CPXM2: variants seen among roughly 807,000 people sequenced by gnomAD.
CPXM2 encodes the protein inactive carboxypeptidase-like protein X2.
A neutral mutation model predicts 86.1 loss-of-function variants in CPXM2; 66 were observed. That is an observed-to-expected ratio of 0.77 (90% CI 0.63 to 0.94). The LOEUF (loss-of-function observed/expected upper bound fraction) is 0.94, where lower values mean the gene tolerates loss of function less well. Among genes scored for constraint, CPXM2 ranks in the 40% least tolerant of loss-of-function variants. CPXM2 has a pLI of 0.00. For missense variants in CPXM2, 948 were observed against 1,026.3 expected (o/e 0.92, Z 1.04); for synonymous variants, 388 against 400.2 (o/e 0.97, Z 0.36).
intron 6 of CPXM2, among the ~76,000 whole-genome samples, chr10:123,791,023 C>T (rs1212881136): frequency 2.6e-5 from 4 of 152,162 alleles, no homozygotes; most frequent in African/African-American, 9.7e-5. Context: ...AAAGCCACAT[C>T]ATCAGGGGTG....
rs762529185 is a variant in CPXM2 at position 123,891,484 on chromosome 10, G to A, written c.176C>T (p.Pro59Leu). The change falls in exon 1 of 14, where the codon CCG (proline) becomes CTG (leucine). Residue 59 changes from proline to leucine, a missense_variant. Pro to Leu is a moderately conservative substitution (Grantham distance 98). Transcript: ENST00000241305. This position sits in a 1 kb window ranked among gnomAD's most constrained non-coding sequence, Gnocchi z 5.6. ...CTCCCCGGGCCCCGCAGGCAGCGGC[G>A]GAGAGAAGGTCTCGAGCTCGGGCTC... ...RPEPELETFS[P>L]PLPAGPGEEW... The A allele has an allele frequency of 6.5e-6, 10 of 1,548,518 alleles. No homozygotes were observed. The highest frequency in any genetic ancestry group is 4.1e-5 in the African/African-American group (3 of 72,780).
intron 4 of CPXM2, among the ~76,000 whole-genome samples, chr10:123,836,652 C>T (rs1356438947): frequency 6.6e-6 from 1 of 152,218 alleles, no homozygotes; most frequent in African/African-American, 2.4e-5. Flanking sequence ...TTTCCAGACC[C>T]GAATCCTGTC....
At chr10:123,799,982 T>C (rs1847420672) in intron 4 of CPXM2, among the ~76,000 whole-genome samples, 1 of 152,004 alleles carries the variant, frequency 6.6e-6, no homozygotes, top group Non-Finnish European at 1.5e-5. Flanking sequence ...CCCCCTCTTT[T>C]AATTTTTTAA....
intron 4 of CPXM2, among the ~76,000 whole-genome samples, chr10:123,799,723 G>A (rs1250203518): frequency 1.3e-5 from 2 of 152,194 alleles, no homozygotes; most frequent in Admixed American, 6.5e-5. Context: ...CTCCTTGGCT[G>A]TCACAGCCAC....
chr10:123,917,569 T>G (rs926267154), intron 2 of CPXM2, among the ~76,000 whole-genome samples: 1 of 152,246 alleles, frequency 6.6e-6, no homozygotes, highest in Non-Finnish European at 1.5e-5. Context: ...GGCACCTTTC[T>G]ACCTAACAAC....
intron 7 of CPXM2, chr10:123,777,741 A>T (rs1337450945): frequency 2.0e-5 from 3 of 152,552 alleles, no homozygotes; most frequent in East Asian, 3.9e-4. Flanking sequence ...ATGACAGCTG[A>T]CCCCCTCTGC....
At chr10:123,852,148 T>C (rs573440217) in intron 3 of CPXM2, among the ~76,000 whole-genome samples, 16 of 152,188 alleles carry the variant, frequency 1.1e-4, no homozygotes, top group Non-Finnish European at 2.2e-4. Context: ...AGTTTCCCTA[T>C]CTGGGCTCCC....
At chr10:123,900,044 A>G (rs369020039) in intron 2 of CPXM2, among the ~76,000 whole-genome samples, 1 of 152,224 alleles carries the variant, frequency 6.6e-6, no homozygotes, top group East Asian at 1.9e-4. Context: ...ATGTCTAACA[A>G]AAAAAATTTT....
intron 2 of CPXM2, among the ~76,000 whole-genome samples, chr10:123,879,131 G>C (rs553861348): frequency 6.6e-6 from 1 of 152,354 alleles, no homozygotes; most frequent in African/African-American, 2.4e-5. Context: ...GTTGACATCT[G>C]TTTTCACTTG....
At chr10:123,856,882 G>A (rs1209423763) in intron 3 of CPXM2, among the ~76,000 whole-genome samples, 2 of 152,154 alleles carry the variant, frequency 1.3e-5, no homozygotes, top group Non-Finnish European at 2.9e-5. Context: ...ATGAGCCACC[G>A]CACCTAGCCC....
chr10:123,849,464 G>T (rs1283898223), intron 3 of CPXM2, among the ~76,000 whole-genome samples: 3 of 136,650 alleles, frequency 2.2e-5, no homozygotes, highest in Non-Finnish European at 4.6e-5. Context: ...TTTTGAGATG[G>T]AGTTTCGCTC....
chr10:123,769,865 G>GC (rs1846585540), intron 8 of CPXM2, among the ~76,000 whole-genome samples: 2 of 152,218 alleles, frequency 1.3e-5, no homozygotes, highest in African/African-American at 4.8e-5. Context: ...AAGGACAAGG[G>GC]CCTGGCATTT....
intron 12 of CPXM2, among the ~76,000 whole-genome samples, chr10:123,756,582 C>G (rs1461857726): frequency 6.6e-6 from 1 of 152,036 alleles, no homozygotes; most frequent in East Asian, 1.9e-4. Context: ...CCCACCCCAC[C>G]CCGACCCCCA....
chr10:123,863,419 G>A (rs574055906), intron 2 of CPXM2, among the ~76,000 whole-genome samples: 3 of 152,304 alleles, frequency 2.0e-5, no homozygotes, highest in South Asian at 4.1e-4. Context: ...GGGGGTCCCC[G>A]CATTGAGGGG....
At chr10:123,797,667 T>C (rs1293972045) in intron 6 of CPXM2, among the ~76,000 whole-genome samples, 1 of 152,088 alleles carries the variant, frequency 6.6e-6, no homozygotes, top group African/African-American at 2.4e-5. Flanking sequence ...CAAGTGATCC[T>C]CCTGCCTCAG....
At chr10:123,934,866 C>T (rs1049457960) in intron 2 of CPXM2, among the ~76,000 whole-genome samples, 3 of 152,282 alleles carry the variant, frequency 2.0e-5, no homozygotes, top group East Asian at 1.9e-4. Flanking sequence ...GGATGAAGTT[C>T]GTTTCAAGTT....
rs145134521 is a variant in CPXM2, at chr10:123,835,268, A to G, written c.653+7081T>C. On this transcript the variant is annotated intron_variant, in intron 4 of 13. Coordinates refer to ENST00000241305, the MANE Select transcript of CPXM2 (RefSeq NM_198148.3). ...CCTGGGGAGTCACACCTGGGGAACA[A>G]GGACCCTCAAATAAAGCGGGGTGGA... 1.3e-4 allele frequency among the ~76,000 whole-genome samples: 20 copies of G among 152,256 alleles called. No individual in the cohort carries two copies. The East Asian group carries it at 3.7e-3, about 28-fold the overall frequency.
chr10:123,838,920 G>C (rs1019541181), intron 4 of CPXM2, among the ~76,000 whole-genome samples: 1 of 152,212 alleles, frequency 6.6e-6, no homozygotes, highest in African/African-American at 2.4e-5. Context: ...CTGTGAGGGA[G>C]AAGAGGGGAG....
At chr10:123,840,815 C>A (rs933893933) in intron 4 of CPXM2, among the ~76,000 whole-genome samples, 11 of 152,192 alleles carry the variant, frequency 7.2e-5, no homozygotes, top group Non-Finnish European at 1.5e-4. Flanking sequence ...GTCCCCTTTG[C>A]AGGGACAATG....
Sources: allele counts gnomAD v4.1 joint callset (sites outside exome capture counted in the v4.1 genomes callset), GRCh38; gene constraint gnomAD v4.1.1; non-coding constraint Gnocchi (gnomAD v3.1); transcripts MANE v1.5; gene names NCBI Gene and HGNC (gene_info 2026-07-23, HGNC 2026-07-21).